UBE2B: variants seen among roughly 807,000 people sequenced by gnomAD.
UBE2B encodes ubiquitin conjugating enzyme E2 B, also known as ubiquitin-conjugating enzyme E2 B.
UBE2B carries 11 observed loss-of-function variants against 24.6 expected under a neutral mutation model. The observed-to-expected ratio is 0.45, with a 90% CI of 0.28 to 0.74. The LOEUF (loss-of-function observed/expected upper bound fraction) is 0.74. Among genes scored for constraint, UBE2B ranks in the 30% least tolerant of loss-of-function variants. UBE2B has a pLI of 0.13. For missense variants in UBE2B, 78 were observed against 185.6 expected (o/e 0.42, Z 3.37); for synonymous variants, 68 against 62.4 (o/e 1.09, Z -0.42).
At position 134,391,379 on chromosome 5, in the gene UBE2B, T is replaced by G. The variant is rs958554677; in HGVS notation, c.*1026T>G. The G allele has an allele frequency of 6.6e-6, 1 of 152,618 alleles. No homozygotes were observed. The highest frequency in any genetic ancestry group is 1.5e-5 in the Non-Finnish European group (1 of 68,026). The allele number at this position is 152,618 out of a possible 1,614,324, so 9.5% of individuals were successfully genotyped here. ...AGTTGCTTCTTCTTGTGGAGATTTT[T>G]TTTTTAATCTCCTGAGTTGTATAAA... On this transcript the variant is annotated 3_prime_UTR_variant, in exon 6 of 6. Transcript: ENST00000265339.
chr5:134,384,650 G>A (rs879463997), intron 4 of UBE2B, among the ~76,000 whole-genome samples: 5 of 152,078 alleles, frequency 3.3e-5, no homozygotes, highest in East Asian at 1.9e-4. Flanking sequence ...TTATTCTGCT[G>A]AGTACTTTTT....
At position 134,390,150 on chromosome 5, in the gene UBE2B, A is replaced by C; in HGVS notation, c.331-75A>C. On this transcript the variant is annotated intron_variant, in intron 5 of 5. Coordinates refer to ENST00000265339, the MANE Select transcript of UBE2B (RefSeq NM_003337.4). The surrounding 1 kb of genome is among the most constrained non-coding windows in gnomAD (Gnocchi z 4.6). ...TGTTGTTTTGTATAACTTTTCTGTA[A>C]TATATTCCATATCTGACCCCTGTTG... 6.4e-7 allele frequency: 1 copy of C among 1,571,728 alleles called. No homozygotes were observed. The highest frequency in any genetic ancestry group is 8.7e-7 in the Non-Finnish European group (1 of 1,148,546).
chr5:134,376,256 A>T (rs1157262882), intron 2 of UBE2B, among the ~76,000 whole-genome samples: 1 of 138,148 alleles, frequency 7.2e-6, no homozygotes, highest in Non-Finnish European at 1.5e-5. Flanking sequence ...CAGGAGAAGG[A>T]GGTTGCAGTG....
intron 2 of UBE2B, among the ~76,000 whole-genome samples, chr5:134,375,947 T>C (rs531625606): frequency 6.6e-6 from 1 of 152,090 alleles, no homozygotes; most frequent in South Asian, 2.1e-4. Flanking sequence ...ATGGCTCCAT[T>C]GGAAAGCAGG....
chr5:134,377,884 A>G (rs917211220), intron 3 of UBE2B, among the ~76,000 whole-genome samples: 10 of 152,204 alleles, frequency 6.6e-5, no homozygotes, highest in Non-Finnish European at 1.3e-4. Flanking sequence ...TAGTGATTAT[A>G]TTCTTTGCAT....
chr5:134,380,700 T>C lies in UBE2B; in HGVS notation c.152-19T>C, dbSNP rs375008331. 2.2e-6 allele frequency: 3 copies of C among 1,385,776 alleles called. No homozygotes were observed. The African/African-American group carries it at 4.3e-5, about 20-fold the overall frequency. 85.8% of individuals were successfully genotyped at this position (1,385,776 alleles called of 1,614,324 possible). On this transcript the variant is annotated intron_variant, in intron 3 of 5. Transcript: ENST00000265339. The stretch of plus-strand genomic sequence containing the variant: ...AAGTCGTGCTTGTCTTTACTATAAT[T>C]ATTTTGTTTTCTCTCTAGGTACTTT...
intron 4 of UBE2B, 191 bp from the exon 5 acceptor site, chr5:134,388,134 G>T: frequency 1.7e-6 from 1 of 594,870 alleles, no homozygotes. Flanking sequence ...GAGATTTGGA[G>T]GGAACATTCA....
At chr5:134,384,883 AC>A (rs35843288) in intron 4 of UBE2B, among the ~76,000 whole-genome samples, 254 of 152,092 alleles carry the variant, frequency 1.7e-3, no homozygotes, top group African/African-American at 5.4e-3. Context: ...GGTAAGTGTT[AC>A]CCCTAACGTG....
At chr5:134,376,601 C>T in intron 2 of UBE2B, 68 bp from the exon 3 acceptor site, 1 of 1,525,090 alleles carries the variant, frequency 6.6e-7, no homozygotes, top group Non-Finnish European at 9.1e-7. Flanking sequence ...TTTATCCTTT[C>T]CATTCTTGAA....
chr5:134,384,682 A>AT (rs1398461094), intron 4 of UBE2B, among the ~76,000 whole-genome samples: 1 of 152,018 alleles, frequency 6.6e-6, no homozygotes, highest in Admixed American at 6.6e-5. Flanking sequence ...TTTCTGGTTT[A>AT]TTTTTTTAAA....
At chr5:134,378,006 G>C (rs1358829964) in intron 3 of UBE2B, among the ~76,000 whole-genome samples, 1 of 152,104 alleles carries the variant, frequency 6.6e-6, no homozygotes, top group Non-Finnish European at 1.5e-5. Flanking sequence ...TTTGAGACCA[G>C]CCTGGGGGAG....
Position 134,379,643 on chromosome 5 carries a change from C to CAAAA in UBE2B, c.152-1074_152-1073insAAAA, listed in dbSNP as rs374868073. On this transcript the variant is annotated intron_variant, in intron 3 of 5. Coordinates refer to ENST00000265339, the MANE Select transcript of UBE2B (RefSeq NM_003337.4). Reference sequence around the variant, plus strand: ...CCTGGGCAACAGTGAGACTCTGTCTCAACAAAAAAAAAAAAAAAAAAGGAA... The same window carrying CAAAA: ...CCTGGGCAACAGTGAGACTCTGTCTCAAAAAACAAAAAAAAAAAAAAAAAAGGAA... 2.5e-4 allele frequency among the ~76,000 whole-genome samples: 23 copies of CAAAA among 92,232 alleles called. 1 individual carries two copies. The highest frequency in any genetic ancestry group is 7.9e-4 in the African/African-American group (20 of 25,386). 60.5% of individuals were successfully genotyped at this position (92,232 alleles called of 152,430 possible). A position where few individuals can be genotyped will look rare whatever the true frequency, so the allele number is the denominator to read the frequency against.
In UBE2B at chr5:134,391,155, T is replaced by C. The variant is rs1227116134; in HGVS notation, c.*802T>C. 2 of 152,636 alleles carry C rather than the reference T, an allele frequency of 1.3e-5. No individual in the cohort carries two copies. The highest frequency in any genetic ancestry group is 4.8e-5 in the African/African-American group (2 of 41,448). The allele number at this position is 152,636 out of a possible 1,614,324, so 9.5% of individuals were successfully genotyped here. The stretch of plus-strand genomic sequence containing the variant: ...CTGCTTGGTAGCACTTTAAAAAATT[T>C]TTTGATTAATGAAGAAAGTAAAACC... On this transcript the variant is annotated 3_prime_UTR_variant, in exon 6 of 6. Transcript: ENST00000265339.
chr5:134,372,786 A>G lies in UBE2B; in HGVS notation c.44+1147A>G, dbSNP rs34315266. On this transcript the variant is annotated intron_variant, in intron 1 of 5. Transcript: ENST00000265339. Reference sequence around the variant, plus strand: ...ACTAAAAACCATTTTTTTAATGTGGACTAGTTGCAAATTATGATGCCCCAT... The same window carrying G: ...ACTAAAAACCATTTTTTTAATGTGGGCTAGTTGCAAATTATGATGCCCCAT... 9.3e-3 allele frequency among the ~76,000 whole-genome samples: 1,422 copies of G among 152,272 alleles called. 12 individuals are homozygous for G. The highest frequency in any genetic ancestry group is 0.03 in the African/African-American group (1,259 of 41,534).
In UBE2B at chr5:134,377,373, C is replaced by T. The variant is rs1276979564; in HGVS notation, c.151+679C>T. Among the ~76,000 whole-genome samples the T allele has an allele frequency of 2.0e-5, 3 of 152,148 alleles. No homozygotes were observed. The East Asian group carries it at 5.8e-4, about 29-fold the overall frequency. On this transcript the variant is annotated intron_variant, in intron 3 of 5. Transcript: ENST00000265339. Reference sequence around the variant, plus strand: ...ATTTATCCGAGAATACTGACTGCAGCAGTTTGTAAGGACGTAACCTGAATG... The same window carrying T: ...ATTTATCCGAGAATACTGACTGCAGTAGTTTGTAAGGACGTAACCTGAATG...
In UBE2B at chr5:134,390,433, T is replaced by G; in HGVS notation, c.*80T>G. 6.4e-7 allele frequency: 1 copy of G among 1,574,798 alleles called. No homozygotes were observed. Among genetic ancestry groups the G allele is most frequent in the Admixed American group, 1.7e-5 (1 of 58,712 alleles). On this transcript the variant is annotated 3_prime_UTR_variant, in exon 6 of 6. Coordinates refer to ENST00000265339, the MANE Select transcript of UBE2B (RefSeq NM_003337.4). The surrounding 1 kb of genome is among the most constrained non-coding windows in gnomAD (Gnocchi z 4.6). Reference sequence around the variant, plus strand: ...ATTAGAAAGGCTAACAAATTTTAAGTGCCACAGGTTTTAAGGATTCTGCAG... The same window carrying G: ...ATTAGAAAGGCTAACAAATTTTAAGGGCCACAGGTTTTAAGGATTCTGCAG...
chr5:134,390,403 C>T lies in UBE2B; in HGVS notation c.*50C>T. On this transcript the variant is annotated 3_prime_UTR_variant, in exon 6 of 6. Transcript: ENST00000265339. This position sits in a 1 kb window ranked among gnomAD's most constrained non-coding sequence, Gnocchi z 4.6. The stretch of plus-strand genomic sequence containing the variant: ...TTCATCATTGTTGTGTATAATTTAC[C>T]TCTCATTAGAAAGGCTAACAAATTT... 1 of 1,609,706 alleles carries T rather than the reference C, an allele frequency of 6.2e-7. No homozygotes were observed. Among genetic ancestry groups the T allele is most frequent in the Non-Finnish European group, 8.5e-7 (1 of 1,177,386 alleles).
In UBE2B at chr5:134,374,388, A is replaced by G. The variant is rs1384908699; in HGVS notation, c.50A>G (p.Gln17Arg). 6.4e-7 allele frequency: 1 copy of G among 1,554,300 alleles called. No homozygotes were observed. The highest frequency in any genetic ancestry group is 2.4e-5 in the East Asian group (1 of 41,476). ...RRLMRDFKRL[Q>R]EDPPVGVSGA... is the part of the protein sequence containing the mutation. ...TTACCACGCTGGATTTCCAGGTTAC[A>G]AGAGGACCCACCTGTGGGTGTCAGT... is the stretch of plus-strand genomic sequence containing the variant. The change falls in exon 2 of 6, where the codon CAA becomes CGA. Residue 17 changes from glutamine (Q) to arginine (R), a missense_variant. Physicochemically the swap from Gln to Arg is conservative, Grantham distance 43. Transcript: ENST00000265339.
In UBE2B at chr5:134,390,392, G is replaced by A. The variant is rs200085190; in HGVS notation, c.*39G>A. 1.2e-5 allele frequency: 19 copies of A among 1,611,806 alleles called. No individual in the cohort carries two copies. The South Asian group carries it at 1.4e-4, about 12-fold the overall frequency. ...TGTTAATCTTTTTCATCATTGTTGT[G>A]TATAATTTACCTCTCATTAGAAAGG... is the stretch of plus-strand genomic sequence containing the variant. On this transcript the variant is annotated 3_prime_UTR_variant, in exon 6 of 6. Transcript: ENST00000265339. This position sits in a 1 kb window ranked among gnomAD's most constrained non-coding sequence, Gnocchi z 4.6.
Sources: gnomAD v4.1 joint callset for allele counts (sites outside exome capture counted in the v4.1 genomes callset) on GRCh38, gnomAD v4.1.1 for gene constraint, Gnocchi (gnomAD v3.1) non-coding constraint, MANE v1.5 for transcripts, NCBI Gene and HGNC (gene_info 2026-07-23, HGNC 2026-07-21) for gene names.